Variants in HSPG2 observed in about 807,000 individuals in gnomAD.
HSPG2 encodes the protein basement membrane-specific heparan sulfate proteoglycan core protein.
A neutral mutation model predicts 526.6 loss-of-function variants in HSPG2; 278 were observed. That is an observed-to-expected ratio of 0.53 (90% CI 0.48 to 0.58). HSPG2 has a LOEUF of 0.58. Among genes scored for constraint, HSPG2 ranks in the 20% least tolerant of loss-of-function variants. The pLI is 0.00. For synonymous variants in HSPG2, 2,465 were observed against 2,555.4 expected (o/e 0.96, Z 1.07); for missense variants, 5,354 against 6,099.5 (o/e 0.88, Z 4.07).
chr1:21,833,493 T>C lies in HSPG2; in HGVS notation c.10952A>G (p.Lys3651Arg). 6.2e-7 allele frequency: 1 copy of C among 1,614,154 alleles called. No homozygotes were observed. The highest frequency in any genetic ancestry group is 8.5e-7 in the Non-Finnish European group (1 of 1,180,018). ...CTATNRQGKV[K>R]AFAHLQVPER... Reference sequence around the variant, plus strand: ...TGGCACCTGCAGGTGGGCAAAGGCTTTGACCTTGCCCTGGCGGTTAGTGGC... The same window carrying C: ...TGGCACCTGCAGGTGGGCAAAGGCTCTGACCTTGCCCTGGCGGTTAGTGGC... The change falls in exon 79 of 97, where the codon AAA becomes AGA. Residue 3651 changes from lysine to arginine, a missense_variant. By Grantham distance (26) the Lys-to-Arg change is conservative (BLOSUM62 2). Transcript: ENST00000374695.
chr1:21,894,725 A>AG (rs1251496532), intron 3 of HSPG2, among the ~76,000 whole-genome samples: 1 of 152,192 alleles, frequency 6.6e-6, no homozygotes, highest in Admixed American at 6.5e-5. Context: ...ATGAATGGAC[A>AG]GGGTGATCTC....
At chr1:21,931,524 A>G (rs1644350640) in intron 1 of HSPG2, among the ~76,000 whole-genome samples, 1 of 152,160 alleles carries the variant, frequency 6.6e-6, no homozygotes, top group African/African-American at 2.4e-5. Context: ...GGCCCAGCAG[A>G]TACTTGGGAA....
Position 21,842,349 on chromosome 1 carries a change from A to G in HSPG2, c.8942T>C (p.Val2981Ala). 2 of 1,610,400 alleles carry G rather than the reference A, an allele frequency of 1.2e-6. No individual in the cohort carries two copies. The highest frequency in any genetic ancestry group is 1.7e-6 in the Non-Finnish European group (2 of 1,178,054). ...THGSQLRLHL[V>A]SPADSGEYVC... ...ATACTCGCCTGAGTCGGCAGGGGAGACGAGGTGGAGCCGCAGCTGGGAGCC... is the reference window on the plus strand; with the variant it reads ...ATACTCGCCTGAGTCGGCAGGGGAGGCGAGGTGGAGCCGCAGCTGGGAGCC... Residue 2981 changes from valine to alanine, a missense_variant, in exon 68 of 97, where the codon GTC becomes GCC. Transcript: ENST00000374695.
intron 1 of HSPG2, among the ~76,000 whole-genome samples, chr1:21,911,513 A>T (rs1373762190): frequency 6.6e-6 from 1 of 152,156 alleles, no homozygotes; most frequent in African/African-American, 2.4e-5. Flanking sequence ...CTTAGTCCTC[A>T]TGCTGTCAAC....
rs1355596863 is a variant in HSPG2 at position 21,865,197 on chromosome 1, G to C, written c.4395+88C>G. ...GGCTGCCAGGTGAAGGTTGGGGAGC[G>C]AGAGACAGGGTGGGTATCAAAGCCA... On this transcript the variant is annotated intron_variant, in intron 35 of 96. Coordinates refer to ENST00000374695, the MANE Select transcript of HSPG2 (RefSeq NM_005529.7). This position sits in a 1 kb window ranked among gnomAD's most constrained non-coding sequence, Gnocchi z 5.4. 6.6e-7 allele frequency: 1 copy of C among 1,517,746 alleles called. No individual in the cohort carries two copies. The highest frequency in any genetic ancestry group is 1.4e-5 in the African/African-American group (1 of 73,024). The allele number at this position is 1,517,746 out of a possible 1,614,324, so 94.0% of individuals were successfully genotyped here.
intron 50 of HSPG2, 110 bp from the exon 51 acceptor site, chr1:21,853,180 T>A (rs12049614): frequency 1.6e-5 from 23 of 1,465,974 alleles, no homozygotes; most frequent in Non-Finnish European, 2.0e-5. Context: ...GGCCGACAGG[T>A]GGCCTTTCTG....
intron 1 of HSPG2, among the ~76,000 whole-genome samples, chr1:21,936,146 C>T (rs1318812012): frequency 6.6e-6 from 1 of 152,104 alleles, no homozygotes; most frequent in Non-Finnish European, 1.5e-5. Context: ...TGGCTCCCCA[C>T]GGTAGGCTCG....
intron 62 of HSPG2, among the ~76,000 whole-genome samples, 180 bp from the exon 63 acceptor site, chr1:21,846,779 G>T (rs1638470965): frequency 6.6e-6 from 1 of 152,050 alleles, no homozygotes; most frequent in South Asian, 2.1e-4. Flanking sequence ...GTGGGTGGAT[G>T]ACCTGAGGTC....
rs1557709151 is a variant in HSPG2, at chr1:21,848,144, C to T, written c.7738-51G>A. On this transcript the variant is annotated intron_variant, in intron 59 of 96. Transcript: ENST00000374695. The surrounding 1 kb of genome is among the most constrained non-coding windows in gnomAD (Gnocchi z 4.9). ...ATGGCAGTAGGTGTGGGCAGCTCCT[C>T]CACATCTTGGGCACTGCTGCCGCTG... 3.9e-6 allele frequency: 6 copies of T among 1,544,542 alleles called. No individual in the cohort carries two copies. Among genetic ancestry groups the T allele is most frequent in the Non-Finnish European group, 5.2e-6 (6 of 1,146,972 alleles).
At chr1:21,825,226 C>T (rs1345552291) in intron 91 of HSPG2, 2 of 207,408 alleles carry the variant, frequency 9.6e-6, no homozygotes, top group Admixed American at 5.2e-5. Context: ...AAACTTAAAA[C>T]ATGTTTTGAT....
At chr1:21,852,347 C>T in intron 52 of HSPG2, 114 bp from the exon 53 acceptor site, 7 of 1,357,582 alleles carry the variant, frequency 5.2e-6, no homozygotes, top group Non-Finnish European at 7.3e-6. Context: ...TCCAGCTTTT[C>T]AGGCATCTGG....
chr1:21,851,466 C>G, intron 55 of HSPG2, 80 bp downstream of exon 55: 14 of 1,589,004 alleles, frequency 8.8e-6, no homozygotes, highest in Non-Finnish European at 1.2e-5. Context: ...CTCAGGGGAG[C>G]CTCTAGCCCT....
Position 21,885,006 on chromosome 1 carries a change from G to T in HSPG2, c.1355+7C>A, listed in dbSNP as rs755276780. Reference sequence around the variant, plus strand: ...TCCCACCCCACCACCTGGGCCCAGAGCCGCACCTGGGATGAGAGGGGATGT... The same window carrying T: ...TCCCACCCCACCACCTGGGCCCAGATCCGCACCTGGGATGAGAGGGGATGT... On this transcript the variant is annotated splice_region_variant and intron_variant, in intron 11 of 96. Transcript: ENST00000374695. 1.2e-6 allele frequency: 2 copies of T among 1,613,906 alleles called. No homozygotes were observed. Among genetic ancestry groups the T allele is most frequent in the Admixed American group, 3.3e-5 (2 of 60,024 alleles).
At chr1:21,925,443 G>A (rs910687658) in intron 1 of HSPG2, among the ~76,000 whole-genome samples, 3 of 152,152 alleles carry the variant, frequency 2.0e-5, no homozygotes, top group Non-Finnish European at 4.4e-5. Context: ...CTCAGAGCAG[G>A]CCCCGCTCAG....
chr1:21,857,488 G>T, intron 42 of HSPG2, 103 bp from the exon 43 acceptor site: 1 of 1,036,718 alleles, frequency 9.6e-7, no homozygotes, highest in Non-Finnish European at 1.5e-6. Context: ...TTCCTTCCTG[G>T]TCCAGCCTAG....
At chr1:21,936,855 G>A (rs1644501511) in intron 1 of HSPG2, among the ~76,000 whole-genome samples, 1 of 152,146 alleles carries the variant, frequency 6.6e-6, no homozygotes, top group Non-Finnish European at 1.5e-5. Context: ...ATGGTAGGCC[G>A]GACCATGCCC....
chr1:21,875,594 G>A (rs1376317699), intron 25 of HSPG2, 35 bp downstream of exon 25: 15 of 1,532,052 alleles, frequency 9.8e-6, no homozygotes, highest in Non-Finnish European at 1.3e-5. Flanking sequence ...CCCTCCCCAA[G>A]CCCATGCTGG....
chr1:21,860,498 A>AC (rs1639702551), intron 39 of HSPG2, among the ~76,000 whole-genome samples: 1 of 147,426 alleles, frequency 6.8e-6, no homozygotes, highest in Non-Finnish European at 1.5e-5. Flanking sequence ...GCAAACGTCC[A>AC]TTTTTTTTTT....
intron 1 of HSPG2, among the ~76,000 whole-genome samples, chr1:21,905,793 T>C (rs1643348673): frequency 6.6e-6 from 1 of 152,150 alleles, no homozygotes. Context: ...GGAGGATTAC[T>C]TGAGGCCAGG....
Sources: gnomAD v4.1 joint callset for allele counts (sites outside exome capture counted in the v4.1 genomes callset) on GRCh38, gnomAD v4.1.1 for gene constraint, Gnocchi (gnomAD v3.1) non-coding constraint, MANE v1.5 for transcripts, NCBI Gene and HGNC (gene_info 2026-07-23, HGNC 2026-07-21) for gene names.